Variants in TAB2 observed in about 807,000 individuals in gnomAD.
TAB2 encodes the protein TGF-beta activated kinase 1 (MAP3K7) binding protein 2, also known as TGF-beta-activated kinase 1 and MAP3K7-binding protein 2.
A neutral mutation model predicts 65.0 loss-of-function variants in TAB2; 3 were observed. The ratio of observed to expected loss-of-function variants is 0.05; its 90% CI spans 0.02 to 0.12. The LOEUF is 0.12. Among genes scored for constraint, TAB2 ranks in the 10% least tolerant of loss-of-function variants. The pLI is 1.00. For synonymous variants in TAB2, 298 were observed against 285.1 expected, an observed-to-expected ratio of 1.05 and a Z score of -0.46; for missense variants, 623 against 840.3, an observed-to-expected ratio of 0.74 and a Z score of 3.20.
At chr6:149,383,556 A>G (rs1055135166) in intron 3 of TAB2, among the ~76,000 whole-genome samples, 3 of 152,132 alleles carry the variant, frequency 2.0e-5, no homozygotes, top group Non-Finnish European at 4.4e-5. Flanking sequence ...TGGAACTGGT[A>G]TTGATCCAGA....
intron 3 of TAB2, among the ~76,000 whole-genome samples, chr6:149,390,926 A>G (rs1781962923): frequency 6.6e-6 from 1 of 152,114 alleles, no homozygotes. Flanking sequence ...TCCTTTCAGC[A>G]TCTCCAAGAT....
rs1190885445 is a variant in TAB2, at chr6:149,403,295, CATAT to C, written c.1939+4127_1939+4130del. Among the ~76,000 whole-genome samples, 39 of 76,442 alleles carry C rather than the reference CATAT, an allele frequency of 5.1e-4. 1 individual carries two copies. The highest frequency in any genetic ancestry group is 2.0e-3 in the African/African-American group (31 of 15,574). The allele number at this position is 76,442 out of a possible 152,430, so 50.1% of individuals were successfully genotyped here. A position where few individuals can be genotyped will look rare whatever the true frequency, so the allele number is the denominator to read the frequency against. The stretch of plus-strand genomic sequence containing the variant: ...ATATATATATATATACACACACACA[CATAT>C]ATATATATATATATACACACACATA... On this transcript the variant is annotated intron_variant, in intron 6 of 6. Coordinates refer to ENST00000637181, the MANE Select transcript of TAB2 (RefSeq NM_001292034.3).
At chr6:149,218,619 A>C, upstream of TAB2, 1 of 351,334 alleles carries the variant, frequency 2.8e-6, no homozygotes, top group South Asian at 2.2e-5. Flanking sequence ...TTATATTCTT[A>C]CAGATGAGAA....
intron 1 of TAB2, among the ~76,000 whole-genome samples, chr6:149,229,307 A>G (rs1363352643): frequency 1.3e-5 from 2 of 152,120 alleles, no homozygotes; most frequent in Non-Finnish European, 2.9e-5. Context: ...CAACAGTGCA[A>G]CGTAAAACCC....
chr6:149,327,298 A>C (rs1345880989), intron 1 of TAB2, among the ~76,000 whole-genome samples: 2 of 152,180 alleles, frequency 1.3e-5, no homozygotes, highest in Non-Finnish European at 2.9e-5. Flanking sequence ...CTGAGCACAA[A>C]TTATGTCATA....
chr6:149,328,723 A>T (rs1009253031), intron 1 of TAB2, among the ~76,000 whole-genome samples: 3 of 152,218 alleles, frequency 2.0e-5, no homozygotes, highest in African/African-American at 7.2e-5. Context: ...AGAGACATAT[A>T]TACAAACACA....
At chr6:149,331,877 T>C (rs1037531864) in intron 1 of TAB2, among the ~76,000 whole-genome samples, 3 of 152,146 alleles carry the variant, frequency 2.0e-5, no homozygotes, top group African/African-American at 7.2e-5. Flanking sequence ...ACTTTGGAGA[T>C]AGAGCAAAGA....
At position 149,381,125 on chromosome 6, in the gene TAB2, A is replaced by G. The variant is rs1293498638; in HGVS notation, c.1603+1607A>G. ...AATAAAGTACGCAGGGCTCTGCCCA[A>G]ACTTAAGTAAAGTGAATCCTAGGTA... is the stretch of plus-strand genomic sequence containing the variant. On this transcript the variant is annotated intron_variant, in intron 3 of 6. Transcript: ENST00000637181. Among the ~76,000 whole-genome samples, 3 of 152,194 alleles carry G rather than the reference A, an allele frequency of 2.0e-5. No homozygotes were observed. The East Asian group carries it at 5.8e-4, about 29-fold the overall frequency.
intron 6 of TAB2, among the ~76,000 whole-genome samples, chr6:149,402,090 A>G (rs535975192): frequency 6.6e-6 from 1 of 152,040 alleles, no homozygotes; most frequent in Non-Finnish European, 1.5e-5. Context: ...GAAGAAAATA[A>G]TAAGAATTAG....
At chr6:149,248,871 C>T (rs534754475) in intron 1 of TAB2, among the ~76,000 whole-genome samples, 20 of 152,182 alleles carry the variant, frequency 1.3e-4, no homozygotes, top group African/African-American at 4.3e-4. Context: ...TCCCCACCCC[C>T]GGCCACAGTC....
At chr6:149,333,981 T>A (rs1487903670) in intron 1 of TAB2, among the ~76,000 whole-genome samples, 1 of 152,216 alleles carries the variant, frequency 6.6e-6, no homozygotes, top group Non-Finnish European at 1.5e-5. Flanking sequence ...CTGCCTCACA[T>A]GATTATTGGG....
chr6:149,309,349 G>T (rs1779126585), intron 1 of TAB2, among the ~76,000 whole-genome samples: 1 of 150,578 alleles, frequency 6.6e-6, no homozygotes, highest in Admixed American at 6.6e-5. Flanking sequence ...CAAGTCTTTT[G>T]TGTGGTCAAG....
intron 3 of TAB2, among the ~76,000 whole-genome samples, chr6:149,384,073 A>G (rs1040406951): frequency 2.0e-5 from 3 of 152,282 alleles, no homozygotes; most frequent in Non-Finnish European, 2.9e-5. Context: ...TGGTATGGGT[A>G]AGAAAAAGAA....
intron 2 of TAB2, among the ~76,000 whole-genome samples, chr6:149,370,345 A>G (rs935834285): frequency 1.3e-5 from 2 of 152,220 alleles, no homozygotes; most frequent in African/African-American, 4.8e-5. Flanking sequence ...AATGTAAAGC[A>G]TTGATAATAT....
chr6:149,318,745 G>A (rs1338472604), intron 1 of TAB2: 1 of 152,342 alleles, frequency 6.6e-6, no homozygotes, highest in East Asian at 1.9e-4. Flanking sequence ...GCTGTGAGAT[G>A]TTCAGGCACA....
rs141736883 is a variant in TAB2, at chr6:149,265,129, G to A, written c.-121+46353G>A. ...AAAAAGAGGGAAAGAGGGAGGGAGA[G>A]TTTTGACTCATTTGAAATAATGCTG... On this transcript the variant is annotated intron_variant, in intron 1 of 1. Coordinates refer to the TAB2 transcript ENST00000606202. Among the ~76,000 whole-genome samples the A allele has an allele frequency of 5.5e-4, 81 of 148,096 alleles. 1 individual carries two copies. The East Asian group carries it at 0.01, about 19-fold the overall frequency.
chr6:149,373,578 G>A (rs1013063903), intron 2 of TAB2, among the ~76,000 whole-genome samples: 12 of 152,280 alleles, frequency 7.9e-5, no homozygotes, highest in African/African-American at 2.9e-4. Flanking sequence ...TTAAAGGAGT[G>A]AATGAATGCC....
chr6:149,318,061 C>T (rs1779310900), intron 1 of TAB2, 46 bp downstream of exon 1: 1 of 157,388 alleles, frequency 6.4e-6, no homozygotes, highest in Admixed American at 6.5e-5. Flanking sequence ...CCCAACCTGG[C>T]TCTCCCCTCA....
intron 1 of TAB2, among the ~76,000 whole-genome samples, chr6:149,306,076 A>G (rs1447052137): frequency 6.6e-6 from 1 of 152,214 alleles, no homozygotes; most frequent in Non-Finnish European, 1.5e-5. Context: ...GCTGTTATAC[A>G]GGGCTATACA....
Sources: gnomAD v4.1 joint callset for allele counts (sites outside exome capture counted in the v4.1 genomes callset) on GRCh38, gnomAD v4.1.1 for gene constraint, MANE v1.5 for transcripts, NCBI Gene and HGNC (gene_info 2026-07-23, HGNC 2026-07-21) for gene names.